The following CHST15 variants were observed in gnomAD, a reference collection of about 807,000 sequenced individuals.
CHST15 encodes the protein B cell RAG associated protein (GALNAC4S-6ST).
In CHST15, 30 loss-of-function variants were observed where a neutral mutation model predicts 53.6. The ratio of observed to expected loss-of-function variants is 0.56; its 90% CI spans 0.42 to 0.76. The LOEUF is 0.76. Among genes scored for constraint, CHST15 ranks in the 30% least tolerant of loss-of-function variants. The probability of loss-of-function intolerance (pLI) is 0.00; values close to 1 mark genes in which losing one functional copy is unlikely to be tolerated. For synonymous variants in CHST15, 296 were observed against 289.8 expected (o/e 1.02, Z -0.22); for missense variants, 627 against 740.5 (o/e 0.85, Z 1.78).
chr10:124,023,938 G>A (rs375585886), intron 5 of CHST15, among the ~76,000 whole-genome samples: 11 of 152,132 alleles, frequency 7.2e-5, no homozygotes, highest in Non-Finnish European at 1.3e-4. Flanking sequence ...CCGCCTCCCG[G>A]GTTCAAGCAA....
intron 1 of CHST15, among the ~76,000 whole-genome samples, chr10:124,063,238 C>T (rs1321309911): frequency 2.6e-5 from 4 of 152,112 alleles, no homozygotes; most frequent in African/African-American, 9.7e-5. Context: ...CAAAAATTAG[C>T]CGGGCGTGGT....
chr10:124,037,199 C>T (rs1428480180), intron 5 of CHST15, among the ~76,000 whole-genome samples: 2 of 152,168 alleles, frequency 1.3e-5, no homozygotes, highest in Non-Finnish European at 1.5e-5. Context: ...AAAGAAAGAT[C>T]CTATTTCCAA....
At position 124,024,027 on chromosome 10, in the gene CHST15, T is replaced by C. The variant is rs145653353; in HGVS notation, c.1191-2615A>G. Reference sequence around the variant, plus strand: ...CCCAGCTGATTTTTTGTATTTTTAGTAGGGACAGGGTTTCACTGTGTTGGC... The same window carrying C: ...CCCAGCTGATTTTTTGTATTTTTAGCAGGGACAGGGTTTCACTGTGTTGGC... On this transcript the variant is annotated intron_variant, in intron 5 of 7. Coordinates refer to ENST00000435907, the MANE Select transcript of CHST15 (RefSeq NM_001270764.2). The surrounding 1 kb of genome is among the most constrained non-coding windows in gnomAD (Gnocchi z 4.0). 0.012 allele frequency among the ~76,000 whole-genome samples: 1,798 copies of C among 152,212 alleles called. 39 individuals are homozygous for C. The highest frequency in any genetic ancestry group is 0.039 in the African/African-American group (1,617 of 41,522).
intron 6 of CHST15, among the ~76,000 whole-genome samples, chr10:124,018,371 C>G (rs770408643): frequency 2.0e-5 from 3 of 152,232 alleles, no homozygotes; most frequent in African/African-American, 4.8e-5. Context: ...GGAATTTCCT[C>G]TCTTTGCTTT....
chr10:124,067,600 T>C (rs1275065142), intron 1 of CHST15, among the ~76,000 whole-genome samples: 1 of 152,206 alleles, frequency 6.6e-6, no homozygotes, highest in East Asian at 1.9e-4. Context: ...GAAACAGATT[T>C]AGAAACAGAT....
intron 1 of CHST15, among the ~76,000 whole-genome samples, chr10:124,070,579 G>A (rs534713388): frequency 1.1e-4 from 16 of 152,130 alleles, no homozygotes; most frequent in African/African-American, 3.4e-4. Flanking sequence ...GTTTCACCAC[G>A]TTGGCCAGGA....
intron 5 of CHST15, among the ~76,000 whole-genome samples, chr10:124,032,258 T>C (rs1029505435): frequency 2.0e-5 from 3 of 152,194 alleles, no homozygotes; most frequent in Admixed American, 6.5e-5. Flanking sequence ...CCAAGCTGAG[T>C]TCTCCTTCCC....
At chr10:124,034,652 CT>C in intron 5 of CHST15, among the ~76,000 whole-genome samples, 1 of 146,926 alleles carries the variant, frequency 6.8e-6, no homozygotes, top group African/African-American at 2.6e-5. Flanking sequence ...GGCTCCACCC[CT>C]AACAGGGACC....
chr10:124,012,399 G>C lies in CHST15; in HGVS notation c.1429C>G (p.Arg477Gly), dbSNP rs753436566. 2.5e-6 allele frequency: 4 copies of C among 1,613,966 alleles called. No individual in the cohort carries two copies. The highest frequency in any genetic ancestry group is 3.4e-6 in the Non-Finnish European group (4 of 1,180,012). Residue 477 changes from arginine (R) to glycine (G), a missense_variant, in exon 7 of 8, where the codon CGC becomes GGC. Physicochemically the swap from Arg to Gly is moderately radical, Grantham distance 125. This residue lies in a region of CHST15 where 279 missense variants were observed against 371.6 expected (regional missense o/e 0.75). Transcript: ENST00000435907. ...VFDKQQFLILRLEDHASNVKY... is the reference protein window; with the variant it reads ...VFDKQQFLILGLEDHASNVKY... Reference sequence around the variant, plus strand: ...ACGTTGGATGCATGATCTTCCAGGCGAAGAATGAGAAACTGTTGCTTGTCA... The same window carrying C: ...ACGTTGGATGCATGATCTTCCAGGCCAAGAATGAGAAACTGTTGCTTGTCA...
At chr10:124,034,059 C>T (rs937803681) in intron 5 of CHST15, among the ~76,000 whole-genome samples, 1 of 152,210 alleles carries the variant, frequency 6.6e-6, no homozygotes, top group East Asian at 1.9e-4. Context: ...ATGACGAAGC[C>T]GCCGCCCACT....
Position 124,009,923 on chromosome 10 carries a change from G to A in CHST15, c.*226C>T, listed in dbSNP as rs1946364422. 2 of 1,372,196 alleles carry A rather than the reference G, an allele frequency of 1.5e-6. No individual in the cohort carries two copies. Among genetic ancestry groups the A allele is most frequent in the Non-Finnish European group, 1.9e-6 (2 of 1,062,984 alleles). 85.0% of individuals were successfully genotyped at this position (1,372,196 alleles called of 1,614,324 possible). On this transcript the variant is annotated 3_prime_UTR_variant, in exon 8 of 8. Transcript: ENST00000435907. Reference sequence around the variant, plus strand: ...AGCAGAGCTGAATTCTTGAGAAACTGGGGTCTCCAATGGCCTCGGATAGAG... The same window carrying A: ...AGCAGAGCTGAATTCTTGAGAAACTAGGGTCTCCAATGGCCTCGGATAGAG...
At chr10:124,079,646 AG>A (rs1262325347) in intron 1 of CHST15, among the ~76,000 whole-genome samples, 1 of 152,196 alleles carries the variant, frequency 6.6e-6, no homozygotes, top group African/African-American at 2.4e-5. Flanking sequence ...AACCAACAGG[AG>A]GGCCCTCAAG....
At chr10:124,067,776 C>T (rs890076202) in intron 1 of CHST15, among the ~76,000 whole-genome samples, 3 of 152,136 alleles carry the variant, frequency 2.0e-5, no homozygotes, top group Admixed American at 2.0e-4. Flanking sequence ...ACCACCATGC[C>T]CCGCTAATTT....
At chr10:124,053,954 G>A (rs1222961527) in intron 1 of CHST15, among the ~76,000 whole-genome samples, 1 of 151,972 alleles carries the variant, frequency 6.6e-6, no homozygotes, top group Admixed American at 6.6e-5. Flanking sequence ...AACTCGGAAG[G>A]GAGCTGTTCC....
rs201571991 is a variant in CHST15, at chr10:124,046,058, A to C, written c.155T>G (p.Met52Arg). ...KILFRVDSKQ[M>R]NLLAVLEVRT... ...CACTTCGAGAACAGCAAGCAAGTTC[A>C]TCTGCTTACTGTCCACACGAAACAG... The change falls in exon 2 of 8, where the codon ATG becomes AGG. Residue 52 changes from methionine to arginine, a missense_variant. Met to Arg is a moderately conservative substitution (Grantham distance 91). This residue lies in a region of CHST15 where 187 missense variants were observed against 251.8 expected (regional missense o/e 0.74). Transcript: ENST00000435907. The C allele has an allele frequency of 6.2e-7, 1 of 1,614,138 alleles. No individual in the cohort carries two copies. Among genetic ancestry groups the C allele is most frequent in the South Asian group, 1.1e-5 (1 of 91,092 alleles).
At chr10:124,031,827 A>C in intron 5 of CHST15, among the ~76,000 whole-genome samples, 1 of 152,204 alleles carries the variant, frequency 6.6e-6, no homozygotes, top group East Asian at 1.9e-4. Flanking sequence ...AAAATAAGGC[A>C]CAGAGAGGTT....
At chr10:124,026,931 G>A (rs1400912965) in intron 5 of CHST15, among the ~76,000 whole-genome samples, 1 of 152,180 alleles carries the variant, frequency 6.6e-6, no homozygotes, top group Non-Finnish European at 1.5e-5. Context: ...GGCAGGAGCA[G>A]CCTAGGCTGG....
intron 4 of CHST15, among the ~76,000 whole-genome samples, chr10:124,039,585 G>A (rs990886604): frequency 5.9e-5 from 9 of 152,356 alleles, no homozygotes; most frequent in African/African-American, 2.2e-4. Flanking sequence ...GGGTGAACGG[G>A]AACTGGGTCC....
intron 4 of CHST15, among the ~76,000 whole-genome samples, chr10:124,039,741 G>A (rs1471205305): frequency 6.6e-6 from 1 of 152,208 alleles, no homozygotes; most frequent in African/African-American, 2.4e-5. Flanking sequence ...ATTTCCTGAG[G>A]GTTTGAGGAG....
Sources: gnomAD v4.1 joint callset for allele counts (sites outside exome capture counted in the v4.1 genomes callset) on GRCh38, gnomAD v4.1.1 for gene constraint, gnomAD v4.1.1 regional missense constraint, Gnocchi (gnomAD v3.1) non-coding constraint, MANE v1.5 for transcripts, NCBI Gene and HGNC (gene_info 2026-07-23, HGNC 2026-07-21) for gene names.